ACAD9: variants seen among roughly 807,000 people sequenced by gnomAD.
ACAD9 encodes the protein complex I assembly factor ACAD9, mitochondrial.
Under a neutral mutation model 70.2 loss-of-function variants are expected in ACAD9, and 53 were observed. That is an observed-to-expected ratio of 0.75 (90% CI 0.61 to 0.95). The LOEUF (loss-of-function observed/expected upper bound fraction) is 0.95. Among genes scored for constraint, ACAD9 ranks in the 40% least tolerant of loss-of-function variants. The probability of loss-of-function intolerance (pLI) is 0.00; values close to 1 mark genes in which losing one functional copy is unlikely to be tolerated. For synonymous variants in ACAD9, 313 were observed against 312.1 expected (o/e 1.00, Z -0.03); for missense variants, 777 against 802.8 (o/e 0.97, Z 0.39).
chr3:128,904,347 C>A (rs745683893), intron 10 of ACAD9, 39 bp from the exon 11 acceptor site: 1 of 1,614,048 alleles, frequency 6.2e-7, no homozygotes, highest in Admixed American at 1.7e-5. Flanking sequence ...GCTCTCAGCA[C>A]ATGCAAATTG....
chr3:128,884,149 A>G (rs1318529834), intron 1 of ACAD9, among the ~76,000 whole-genome samples: 2 of 152,230 alleles, frequency 1.3e-5, no homozygotes, highest in East Asian at 3.8e-4. Flanking sequence ...TTGAGCTCAC[A>G]CAATAATTGA....
intron 1 of ACAD9, among the ~76,000 whole-genome samples, chr3:128,881,842 A>G (rs1935105114): frequency 6.6e-6 from 1 of 152,220 alleles, no homozygotes; most frequent in Non-Finnish European, 1.5e-5. Context: ...CTTGACCGCT[A>G]AACAGTGACC....
At chr3:128,896,970 A>T (rs1245948859) in intron 5 of ACAD9, among the ~76,000 whole-genome samples, 1 of 152,150 alleles carries the variant, frequency 6.6e-6, no homozygotes, top group African/African-American at 2.4e-5. Context: ...CACCTGGACC[A>T]TCCTCCATCC....
chr3:128,897,844 GTTTGTT>G, intron 6 of ACAD9, 134 bp downstream of exon 6: 1 of 851,962 alleles, frequency 1.2e-6, no homozygotes, highest in Non-Finnish European at 1.9e-6. Context: ...GCTTTTATGT[GTTTGTT>G]TTTAATTTTT....
chr3:128,898,531 A>T (rs1935635812), intron 6 of ACAD9: 1 of 381,218 alleles, frequency 2.6e-6, no homozygotes, highest in South Asian at 2.0e-5. Context: ...TCAACCTCCC[A>T]AGCAGCTGGG....
In ACAD9 at chr3:128,893,611, T is replaced by C. The variant is rs1935483488; in HGVS notation, c.301T>C (p.Leu101=). 6.2e-7 allele frequency: 1 copy of C among 1,614,132 alleles called. No individual in the cohort carries two copies. The highest frequency in any genetic ancestry group is 8.5e-7 in the Non-Finnish European group (1 of 1,180,004). ...GKIPDETLEK[L]KSLGLFGLQV... The stretch of plus-strand genomic sequence containing the variant: ...AATCCCAGATGAAACTTTGGAGAAA[T>C]TGAAGAGCCTAGGGCTTTTTGGGCT... Residue 101 remains leucine (L), a synonymous_variant, in exon 3 of 18, where the codon TTG becomes CTG. Transcript: ENST00000308982.
At chr3:128,906,325 C>T (rs1388754973) in intron 12 of ACAD9, 76 bp downstream of exon 12, 23 of 1,591,118 alleles carry the variant, frequency 1.4e-5, no homozygotes, top group Middle Eastern at 1.7e-4. Context: ...CTCAGGGCCT[C>T]GCAGAGGCCC....
chr3:128,901,154 A>G (rs1687029756), intron 7 of ACAD9, 122 bp from the exon 8 acceptor site: 3 of 912,178 alleles, frequency 3.3e-6, no homozygotes, highest in South Asian at 3.1e-5. Context: ...TTGTCTTTCT[A>G]TACTGTCCTA....
chr3:128,879,923 A>G, intron 1 of ACAD9, 82 bp downstream of exon 1: 1 of 1,606,210 alleles, frequency 6.2e-7, no homozygotes, highest in Non-Finnish European at 8.5e-7. Context: ...GAACTTTGTG[A>G]GATTCCCCAA....
intron 2 of ACAD9, among the ~76,000 whole-genome samples, chr3:128,887,154 A>G (rs966070420): frequency 6.6e-6 from 1 of 151,966 alleles, no homozygotes; most frequent in Admixed American, 6.6e-5. Flanking sequence ...TGAACTCCTG[A>G]CCTCAAATGA....
chr3:128,881,800 C>T (rs1489529626), intron 1 of ACAD9, among the ~76,000 whole-genome samples: 1 of 152,240 alleles, frequency 6.6e-6, no homozygotes, highest in Non-Finnish European at 1.5e-5. Context: ...GCTGATACTT[C>T]TCTGTGTCCA....
chr3:128,897,831 G>A (rs1935611219), intron 6 of ACAD9, 121 bp downstream of exon 6: 2 of 923,924 alleles, frequency 2.2e-6, no homozygotes, highest in Non-Finnish European at 3.5e-6. Flanking sequence ...ACCTTCTTGA[G>A]CTGCTTTTAT....
intron 2 of ACAD9, among the ~76,000 whole-genome samples, chr3:128,887,391 A>G (rs1036797913): frequency 6.6e-6 from 1 of 152,072 alleles, no homozygotes; most frequent in Non-Finnish European, 1.5e-5. Flanking sequence ...AGATTGCTTG[A>G]GTCCCAGAGT....
chr3:128,908,953 G>T lies in ACAD9; in HGVS notation c.1359-20G>T. The T allele has an allele frequency of 6.2e-7, 1 of 1,614,038 alleles. No individual in the cohort carries two copies. Among genetic ancestry groups the T allele is most frequent in the Non-Finnish European group, 8.5e-7 (1 of 1,180,008 alleles). On this transcript the variant is annotated intron_variant, in intron 13 of 17. Transcript: ENST00000308982. ...GCCAGCAGCGAGGCCTCCAGTCACAGGACCATGGACTTTCTGCAGTGAGCT... is the reference window on the plus strand; with the variant it reads ...GCCAGCAGCGAGGCCTCCAGTCACATGACCATGGACTTTCTGCAGTGAGCT...
chr3:128,907,249 T>G (rs1334405566), intron 12 of ACAD9, among the ~76,000 whole-genome samples: 1 of 152,150 alleles, frequency 6.6e-6, no homozygotes, highest in Non-Finnish European at 1.5e-5. Flanking sequence ...GCTGCTTTTG[T>G]TCCTGGCCTA....
At chr3:128,889,798 G>A (rs550482136) in intron 2 of ACAD9, among the ~76,000 whole-genome samples, 1 of 152,116 alleles carries the variant, frequency 6.6e-6, no homozygotes, top group Non-Finnish European at 1.5e-5. Flanking sequence ...CACCAAAAAA[G>A]TTGCCATAAA....
intron 1 of ACAD9, among the ~76,000 whole-genome samples, chr3:128,884,021 G>A (rs73208001): frequency 0.041 from 6,303 of 152,288 alleles, 173 homozygotes; most frequent in Non-Finnish European, 0.058. Context: ...GGGTAGCAGA[G>A]CCCAAAAGTC....
chr3:128,908,168 T>C lies in ACAD9; in HGVS notation c.1279-17T>C, dbSNP rs770475925. Reference sequence around the variant, plus strand: ...TGGCCGGGGGGCAGCCTTTGACCTCTACACTACTGACCACAGGGAACCAAT... The same window carrying C: ...TGGCCGGGGGGCAGCCTTTGACCTCCACACTACTGACCACAGGGAACCAAT... On this transcript the variant is annotated splice_polypyrimidine_tract_variant and intron_variant, in intron 12 of 17. Transcript: ENST00000308982. The C allele has an allele frequency of 6.8e-6, 11 of 1,613,758 alleles. No individual in the cohort carries two copies. Among genetic ancestry groups the C allele is most frequent in the Admixed American group, 1.7e-5 (1 of 60,028 alleles).
intron 3 of ACAD9, among the ~76,000 whole-genome samples, chr3:128,894,628 C>T (rs1187863373): frequency 6.6e-6 from 1 of 150,636 alleles, no homozygotes; most frequent in Non-Finnish European, 1.5e-5. Flanking sequence ...CTGAATTCCT[C>T]GGGCTCAAAC....
Sources: allele counts gnomAD v4.1 joint callset (sites outside exome capture counted in the v4.1 genomes callset), GRCh38; gene constraint gnomAD v4.1.1; transcripts MANE v1.5; gene names NCBI Gene and HGNC (gene_info 2026-07-23, HGNC 2026-07-21).